GPATCH2L: variants seen among roughly 807,000 people sequenced by gnomAD.
GPATCH2L encodes G patch domain-containing protein 2-like.
GPATCH2L carries 31 observed loss-of-function variants against 57.4 expected under a neutral mutation model. The ratio of observed to expected loss-of-function variants is 0.54; its 90% CI spans 0.41 to 0.73. The LOEUF (loss-of-function observed/expected upper bound fraction) is 0.73. Among genes scored for constraint, GPATCH2L ranks in the 30% least tolerant of loss-of-function variants. GPATCH2L has a pLI of 0.00. For missense variants in GPATCH2L, 481 were observed against 599.9 expected (o/e 0.80, Z 2.07); for synonymous variants, 199 against 210.7 (o/e 0.94, Z 0.48).
chr14:76,165,060 C>T (rs923298543), intron 2 of GPATCH2L, among the ~76,000 whole-genome samples: 1 of 152,196 alleles, frequency 6.6e-6, no homozygotes, highest in African/African-American at 2.4e-5. Context: ...GTTAAGATGA[C>T]TTTCTTTACA....
rs748685426 is a variant in GPATCH2L at position 76,173,643 on chromosome 14, TA to T, written c.984+19del. On this transcript the variant is annotated intron_variant, in intron 5 of 9. Transcript: ENST00000261530. The stretch of plus-strand genomic sequence containing the variant: ...TTGGGAAGGTGATACCTCTCACAGT[TA>T]GCTTGGCTCAGTGGGGAGATAATAT... The T allele has an allele frequency of 6.7e-7, 1 of 1,498,936 alleles. No homozygotes were observed. The highest frequency in any genetic ancestry group is 1.1e-5 in the South Asian group (1 of 88,730). The allele number at this position is 1,498,936 out of a possible 1,614,324, so 92.9% of individuals were successfully genotyped here. A position where few individuals can be genotyped will look rare whatever the true frequency, so the allele number is the denominator to read the frequency against.
intron 8 of GPATCH2L, 84 bp from the exon 9 acceptor site, chr14:76,195,794 T>C: frequency 9.8e-7 from 1 of 1,017,990 alleles, no homozygotes; most frequent in Non-Finnish European, 1.5e-6. Context: ...TGTAATAGGT[T>C]AAGGATTTAA....
chr14:76,178,201 A>G, intron 7 of GPATCH2L, 159 bp downstream of exon 7: 1 of 1,463,502 alleles, frequency 6.8e-7, no homozygotes. Flanking sequence ...TCCTGTTTTT[A>G]TTTTAGTTTT....
intron 1 of GPATCH2L, among the ~76,000 whole-genome samples, chr14:76,226,971 GGA>G (rs1441817731): frequency 6.6e-6 from 1 of 152,166 alleles, no homozygotes; most frequent in Non-Finnish European, 1.5e-5. Context: ...GTGTGAGCAT[GGA>G]GAGGTGTTTC....
chr14:76,231,996 C>G (rs375703375), intron 2 of GPATCH2L, among the ~76,000 whole-genome samples: 221 of 147,966 alleles, frequency 1.5e-3, no homozygotes, highest in Middle Eastern at 3.5e-3. Flanking sequence ...CTCACTGCAG[C>G]CTCACTGCAG....
intron 2 of GPATCH2L, among the ~76,000 whole-genome samples, chr14:76,161,065 G>A (rs2139584882): frequency 6.6e-6 from 1 of 152,228 alleles, no homozygotes. Context: ...GAACTGATGT[G>A]AGATATTTCT....
rs914418971 is a variant in GPATCH2L, at chr14:76,205,522, T to C, written c.*3671T>C. On this transcript the variant is annotated 3_prime_UTR_variant, in exon 10 of 10. Coordinates refer to ENST00000261530, the MANE Select transcript of GPATCH2L (RefSeq NM_017926.4). ...CAAAAGCTGAAATAAATCTTCTTAG[T>C]CTGTGATGCTTGTAGCATCCTTTGT... 3.3e-5 allele frequency: 5 copies of C among 152,224 alleles called. No individual in the cohort carries two copies. The highest frequency in any genetic ancestry group is 7.3e-5 in the Non-Finnish European group (5 of 68,032). The allele number at this position is 152,224 out of a possible 1,614,324, so 9.4% of individuals were successfully genotyped here.
At position 76,154,496 on chromosome 14, in the gene GPATCH2L, CG is replaced by C; in HGVS notation, c.135del (p.Lys46SerfsTer37). The C allele has an allele frequency of 6.2e-7, 1 of 1,614,174 alleles. No homozygotes were observed. The highest frequency in any genetic ancestry group is 1.1e-5 in the South Asian group (1 of 91,080). ...QRRQLRKRRG[R>X]KRRSDFTHLA... ...GCGGCAGCTTCGGAAACGCCGAGGT[CG>C]GAAGCGTCGTTCTGACTTCACTCAC... On this transcript the variant is annotated frameshift_variant, in exon 2 of 10. Transcript: ENST00000261530. LOFTEE classifies it high-confidence loss of function. This position sits in a 1 kb window ranked among gnomAD's most constrained non-coding sequence, Gnocchi z 4.4.
chr14:76,188,192 T>C (rs2039842153), intron 8 of GPATCH2L, among the ~76,000 whole-genome samples: 1 of 152,142 alleles, frequency 6.6e-6, no homozygotes, highest in Non-Finnish European at 1.5e-5. Context: ...GGTGCAGATA[T>C]CTCTTTGATA....
chr14:76,218,882 A>G (rs1231986628), downstream of GPATCH2L, among the ~76,000 whole-genome samples: 7 of 151,912 alleles, frequency 4.6e-5, no homozygotes. Flanking sequence ...ATGGGGTGGG[A>G]ACTCCTAGGT....
chr14:76,187,855 C>G (rs2139761389), intron 8 of GPATCH2L, among the ~76,000 whole-genome samples: 1 of 152,102 alleles, frequency 6.6e-6, no homozygotes. Flanking sequence ...CATCCACATT[C>G]CCCACCACCC....
At chr14:76,191,581 A>G (rs1469498127) in intron 8 of GPATCH2L, among the ~76,000 whole-genome samples, 3 of 151,988 alleles carry the variant, frequency 2.0e-5, no homozygotes, top group Non-Finnish European at 4.4e-5. Flanking sequence ...CTCTTGCTCT[A>G]AGCACCCAAC....
intron 4 of GPATCH2L, among the ~76,000 whole-genome samples, chr14:76,172,587 TCTGATA>T (rs1489536659): frequency 1.3e-5 from 2 of 152,212 alleles, no homozygotes; most frequent in African/African-American, 4.8e-5. Context: ...GTGCTAATAC[TCTGATA>T]CTGTCTACCA....
chr14:76,213,361 C>A lies in GPATCH2L; in HGVS notation c.*11510C>A, dbSNP rs1456793277. The A allele has an allele frequency of 6.6e-6, 1 of 152,184 alleles. No individual in the cohort carries two copies. Among genetic ancestry groups the A allele is most frequent in the Middle Eastern group, 3.4e-3 (1 of 292 alleles). 9.4% of individuals were successfully genotyped at this position (152,184 alleles called of 1,614,324 possible). On this transcript the variant is annotated 3_prime_UTR_variant, in exon 10 of 10. Coordinates refer to ENST00000261530, the MANE Select transcript of GPATCH2L (RefSeq NM_017926.4). ...TGACATCAAAAGAAATCTAATATAA[C>A]AATTGTCATAGAAGAAATGAAGTAA...
intron 1 of GPATCH2L, chr14:76,153,011 T>C (rs1367643398): frequency 2.9e-6 from 1 of 339,516 alleles, no homozygotes; most frequent in South Asian, 2.3e-5. Context: ...TTAAAAGAAC[T>C]TGGTCTTGTT....
intron 2 of GPATCH2L, among the ~76,000 whole-genome samples, chr14:76,230,759 C>G (rs143954832): frequency 2.0e-5 from 3 of 152,166 alleles, no homozygotes; most frequent in Non-Finnish European, 2.9e-5. Context: ...AGCAATTCTT[C>G]GAAGTAATCA....
intron 8 of GPATCH2L, among the ~76,000 whole-genome samples, chr14:76,187,179 A>G (rs1170087013): frequency 1.3e-5 from 2 of 152,064 alleles, no homozygotes; most frequent in African/African-American, 2.4e-5. Context: ...GGAGTCTCAC[A>G]TTTAATCTAG....
rs1265155496 is a variant in GPATCH2L, at chr14:76,210,034, G to A, written c.*8183G>A. ...AACATTTACTGAACACTGATGAAGC[G>A]AAGTCCTCCTCAGGGACCTCTTAGG... On this transcript the variant is annotated 3_prime_UTR_variant, in exon 10 of 10. Coordinates refer to ENST00000261530, the MANE Select transcript of GPATCH2L (RefSeq NM_017926.4). 6.6e-6 allele frequency: 1 copy of A among 152,158 alleles called. No homozygotes were observed. The highest frequency in any genetic ancestry group is 2.4e-5 in the African/African-American group (1 of 41,414). 9.4% of individuals were successfully genotyped at this position (152,158 alleles called of 1,614,324 possible). A position where few individuals can be genotyped will look rare whatever the true frequency, so the allele number is the denominator to read the frequency against.
At chr14:76,229,755 T>C (rs2040552214) in intron 1 of GPATCH2L, 1 of 152,178 alleles carries the variant, frequency 6.6e-6, no homozygotes, top group Admixed American at 6.5e-5. Context: ...GTAGGCATAA[T>C]TTCTAAAGCT....
Sources: allele counts gnomAD v4.1 joint callset (sites outside exome capture counted in the v4.1 genomes callset), GRCh38; gene constraint gnomAD v4.1.1; non-coding constraint Gnocchi (gnomAD v3.1); transcripts MANE v1.5; gene names NCBI Gene and HGNC (gene_info 2026-07-23, HGNC 2026-07-21).